MGAT4C: variants seen among roughly 807,000 people sequenced by gnomAD.
MGAT4C encodes the protein MGAT4 family member C, also known as alpha-1,3-mannosyl-glycoprotein 4-beta-N-acetylglucosaminyltransferase C.
In MGAT4C, 19 loss-of-function variants were observed where a neutral mutation model predicts 40.1. The ratio of observed to expected loss-of-function variants is 0.47; its 90% CI spans 0.33 to 0.70. The LOEUF is 0.70. MGAT4C is among the 30% of genes least tolerant of loss of function. MGAT4C has a pLI of 0.02. For synonymous variants in MGAT4C, 181 were observed against 187.1 expected (o/e 0.97, Z 0.27); for missense variants, 491 against 563.2 (o/e 0.87, Z 1.30).
At chr12:86,607,479 C>A (rs1479230119) in intron 2 of MGAT4C, among the ~76,000 whole-genome samples, 1 of 151,966 alleles carries the variant, frequency 6.6e-6, no homozygotes, top group Non-Finnish European at 1.5e-5. Context: ...GTGTTTGTAT[C>A]CATTTTTGTT....
intron 2 of MGAT4C, among the ~76,000 whole-genome samples, chr12:86,004,995 C>T (rs1213796447): frequency 6.6e-6 from 1 of 152,114 alleles, no homozygotes; most frequent in Non-Finnish European, 1.5e-5. Context: ...CTGGCATCAC[C>T]CCATGGCACA....
chr12:86,726,505 T>C (rs1950824005), intron 2 of MGAT4C, among the ~76,000 whole-genome samples: 1 of 152,202 alleles, frequency 6.6e-6, no homozygotes. Flanking sequence ...CAAAAATGGT[T>C]GATTTTTTTA....
intron 1 of MGAT4C, among the ~76,000 whole-genome samples, chr12:86,812,312 C>A (rs1360201712): frequency 6.6e-6 from 1 of 151,894 alleles, no homozygotes; most frequent in African/African-American, 2.4e-5. Context: ...CAGTTAGATC[C>A]TACTGGTTGA....
At chr12:86,618,461 G>T (rs149134753) in intron 2 of MGAT4C, among the ~76,000 whole-genome samples, 44 of 152,182 alleles carry the variant, frequency 2.9e-4, no homozygotes, top group Non-Finnish European at 5.3e-4. Context: ...AGAAAATGTG[G>T]TGTATAAATA....
At chr12:85,997,834 C>G (rs550685115) in intron 2 of MGAT4C, among the ~76,000 whole-genome samples, 21 of 152,142 alleles carry the variant, frequency 1.4e-4, no homozygotes, top group Non-Finnish European at 2.9e-4. Context: ...TTTCCAGGTG[C>G]ACAGTGCAAG....
chr12:86,354,728 G>A (rs1955267770), intron 3 of MGAT4C, among the ~76,000 whole-genome samples: 1 of 152,160 alleles, frequency 6.6e-6, no homozygotes, highest in Non-Finnish European at 1.5e-5. Context: ...TAAAAAGTAT[G>A]CAACAAACTT....
intron 1 of MGAT4C, among the ~76,000 whole-genome samples, chr12:86,235,132 G>A (rs1452484225): frequency 1.3e-5 from 2 of 151,782 alleles, no homozygotes; most frequent in Non-Finnish European, 1.5e-5. Context: ...ATATTTGTAT[G>A]GCTCCCAGGG....
chr12:85,989,635 T>C lies in MGAT4C; in HGVS notation c.-6-83A>G, dbSNP rs1592621477. On this transcript the variant is annotated intron_variant, in intron 2 of 4. Coordinates refer to ENST00000611864, the MANE Select transcript of MGAT4C (RefSeq NM_001351288.2). The stretch of plus-strand genomic sequence containing the variant: ...ATCGCATATATAAAAGTCAGGTCCT[T>C]GTAAAATTTCATCTTTCAAATGTTT... 5.5e-6 allele frequency: 7 copies of C among 1,269,028 alleles called. No homozygotes were observed. The East Asian group carries it at 9.8e-5, about 18-fold the overall frequency. The allele number at this position is 1,269,028 out of a possible 1,614,324, so 78.6% of individuals were successfully genotyped here.
At chr12:86,812,214 T>A (rs1015382576) in intron 1 of MGAT4C, among the ~76,000 whole-genome samples, 1 of 152,134 alleles carries the variant, frequency 6.6e-6, no homozygotes, top group Non-Finnish European at 1.5e-5. Context: ...ATTTTATGAA[T>A]TAGCATACAG....
At chr12:86,116,351 G>C (rs543949832) in intron 1 of MGAT4C, among the ~76,000 whole-genome samples, 1 of 152,136 alleles carries the variant, frequency 6.6e-6, no homozygotes, top group South Asian at 2.1e-4. Flanking sequence ...AAGTAATCCA[G>C]ATAGAAAAAG....
chr12:86,425,158 G>C (rs993220449), intron 3 of MGAT4C, among the ~76,000 whole-genome samples: 3 of 152,094 alleles, frequency 2.0e-5, no homozygotes, highest in African/African-American at 7.2e-5. Flanking sequence ...GCAGCAATGT[G>C]GTGGCTCCAG....
intron 2 of MGAT4C, among the ~76,000 whole-genome samples, chr12:86,510,378 G>C (rs1350002965): frequency 6.6e-6 from 1 of 152,112 alleles, no homozygotes; most frequent in African/African-American, 2.4e-5. Flanking sequence ...ACTAGCCACT[G>C]CAAAAAAATG....
chr12:86,320,575 T>C (rs1421444470), intron 4 of MGAT4C, among the ~76,000 whole-genome samples: 9 of 152,156 alleles, frequency 5.9e-5, no homozygotes, highest in Admixed American at 3.9e-4. Context: ...TGGTCATAGA[T>C]GTACTATAGA....
chr12:85,989,576 A>C (rs757762755), intron 2 of MGAT4C, 24 bp from the exon 3 acceptor site: 1 of 1,556,606 alleles, frequency 6.4e-7, no homozygotes, highest in Non-Finnish European at 8.7e-7. Context: ...ACACAGAATT[A>C]CTAGCAGTTG....
intron 3 of MGAT4C, among the ~76,000 whole-genome samples, chr12:86,359,141 T>A (rs1955393021): frequency 6.6e-6 from 1 of 152,188 alleles, no homozygotes; most frequent in African/African-American, 2.4e-5. Context: ...CAGACCACAG[T>A]GCAATCGAAC....
Position 85,957,048 on chromosome 12 carries a change from G to C in MGAT4C, c.*22241C>G, listed in dbSNP as rs1450989302. The C allele has an allele frequency of 6.6e-6, 1 of 152,146 alleles. No homozygotes were observed. The highest frequency in any genetic ancestry group is 1.5e-5 in the Non-Finnish European group (1 of 68,026). 9.4% of individuals were successfully genotyped at this position (152,146 alleles called of 1,614,324 possible). A position where few individuals can be genotyped will look rare whatever the true frequency, so the allele number is the denominator to read the frequency against. On this transcript the variant is annotated 3_prime_UTR_variant, in exon 5 of 5. Coordinates refer to ENST00000611864, the MANE Select transcript of MGAT4C (RefSeq NM_001351288.2). ...ACACATAAAATGAGAGTATGTAGAT[G>C]CGAGCCCTTTGCTGCTGGCAAAGCT...
chr12:86,073,368 T>C lies in MGAT4C; in HGVS notation c.-56-23645A>G, dbSNP rs533145675. ...CATGAGAACTGACTAATACAGTAAA[T>C]TGATACCATAGATTGGGGTGCTGTT... On this transcript the variant is annotated intron_variant, in intron 1 of 4. Coordinates refer to ENST00000611864, the MANE Select transcript of MGAT4C (RefSeq NM_001351288.2). Among the ~76,000 whole-genome samples, 3 of 152,192 alleles carry C rather than the reference T, an allele frequency of 2.0e-5. No individual in the cohort carries two copies. The South Asian group carries it at 6.2e-4, about 32-fold the overall frequency.
intron 1 of MGAT4C, among the ~76,000 whole-genome samples, chr12:86,193,677 A>T (rs921230572): frequency 6.6e-6 from 1 of 152,154 alleles, no homozygotes; most frequent in African/African-American, 2.4e-5. Context: ...CTCTAGTAAC[A>T]GCATCATATT....
chr12:86,451,593 C>T (rs1313569109), intron 2 of MGAT4C, among the ~76,000 whole-genome samples: 1 of 151,928 alleles, frequency 6.6e-6, no homozygotes, highest in African/African-American at 2.4e-5. Flanking sequence ...TGTCTTTTGT[C>T]AGATTTGAAA....
Sources: allele counts gnomAD v4.1 joint callset (sites outside exome capture counted in the v4.1 genomes callset), GRCh38; gene constraint gnomAD v4.1.1; transcripts MANE v1.5; gene names NCBI Gene and HGNC (gene_info 2026-07-23, HGNC 2026-07-21).